The following TYW1B variants were observed in gnomAD, a reference collection of about 807,000 sequenced individuals.
The protein encoded by TYW1B is tRNA-yW synthesizing protein 1 homolog B, also known as S-adenosyl-L-methionine-dependent tRNA 4-demethylwyosine synthase TYW1B.
Under a neutral mutation model 86.9 loss-of-function variants are expected in TYW1B, and 73 were observed. That is an observed-to-expected ratio of 0.84 (90% CI 0.70 to 1.02). TYW1B has a LOEUF of 1.02. Among genes scored for constraint, TYW1B ranks in the 50% least tolerant of loss-of-function variants. The pLI, the probability that TYW1B is intolerant of heterozygous loss-of-function variation, is 0.00. For synonymous variants in TYW1B, 248 were observed against 292.8 expected, an observed-to-expected ratio of 0.85 and a Z score of 1.56; for missense variants, 637 against 827.4, an observed-to-expected ratio of 0.77 and a Z score of 2.82.
chr7:72,693,478 G>A (rs1207808432), intron 11 of TYW1B, among the ~76,000 whole-genome samples: 5 of 147,270 alleles, frequency 3.4e-5, no homozygotes, highest in Admixed American at 6.9e-5. Flanking sequence ...GCGCAATCTC[G>A]GCTCACTACA....
At chr7:72,671,041 T>G (rs1375039325) in intron 11 of TYW1B, among the ~76,000 whole-genome samples, 1 of 152,144 alleles carries the variant, frequency 6.6e-6, no homozygotes, top group Non-Finnish European at 1.5e-5. Flanking sequence ...GTTTAATATC[T>G]GGTAAAAGTT....
chr7:72,702,994 A>ATC (rs1814512236), intron 10 of TYW1B, among the ~76,000 whole-genome samples: 1 of 115,836 alleles, frequency 8.6e-6, no homozygotes, highest in East Asian at 3.6e-4. Context: ...ATCTATATAT[A>ATC]TATATATATA....
intron 13 of TYW1B, among the ~76,000 whole-genome samples, chr7:72,589,334 G>C (rs2129567781): frequency 6.6e-6 from 1 of 152,332 alleles, no homozygotes; most frequent in African/African-American, 2.4e-5. Context: ...GACACTAGAA[G>C]ATAATGAAAT....
At chr7:72,590,328 T>A (rs1245716386) in intron 13 of TYW1B, among the ~76,000 whole-genome samples, 1 of 152,172 alleles carries the variant, frequency 6.6e-6, no homozygotes, top group East Asian at 1.9e-4. Context: ...GGATAGGCAA[T>A]AAGAACACTG....
At chr7:72,711,188 TGCACTA>T (rs1244917862) in intron 10 of TYW1B, among the ~76,000 whole-genome samples, 1 of 152,084 alleles carries the variant, frequency 6.6e-6, no homozygotes, top group Non-Finnish European at 1.5e-5. Flanking sequence ...TCCATTCAGG[TGCACTA>T]AGATAGGGAG....
rs553999022 is a variant in TYW1B at position 72,725,150 on chromosome 7, C to A, written c.1192+3672G>T. ...GAACTCACCTAACACATTTTATTAA[C>A]ATCAACAAAGTCTACCTCATGGTTT... On this transcript the variant is annotated intron_variant, in intron 9 of 13. Transcript: ENST00000620995. 2.6e-5 allele frequency among the ~76,000 whole-genome samples: 4 copies of A among 152,288 alleles called. No homozygotes were observed. In the East Asian group the frequency reaches 5.8e-4, roughly 22 times the overall value.
At chr7:72,589,098 C>A (rs1554430982) in intron 13 of TYW1B, among the ~76,000 whole-genome samples, 1 of 152,238 alleles carries the variant, frequency 6.6e-6, no homozygotes, top group African/African-American at 2.4e-5. Context: ...CAGGCATGAG[C>A]CACTGCACCC....
In TYW1B at chr7:72,650,007, A is replaced by T. The variant is rs541652376; in HGVS notation, c.1507-21010T>A. Among the ~76,000 whole-genome samples the T allele has an allele frequency of 4.0e-5, 6 of 151,198 alleles. No homozygotes were observed. The East Asian group carries it at 1.2e-3, about 29-fold the overall frequency. On this transcript the variant is annotated intron_variant, in intron 11 of 13. Coordinates refer to ENST00000620995, the MANE Select transcript of TYW1B (RefSeq NM_001145440.3). ...CAGGTTCATGCCATTCTCCTGCCTC[A>T]GCCTCATGAGTAGCTGGGACTACAG...
rs781821639 is a variant in TYW1B at position 72,669,134 on chromosome 7, CTTTTT to C, written c.1506+25548_1506+25552del. ...CAAACAACCACTATTTAATTTTAAA[CTTTTT>C]TTTTTTTTTTTTTTTTTTTTTGAGA... On this transcript the variant is annotated intron_variant, in intron 11 of 13. Transcript: ENST00000620995. Among the ~76,000 whole-genome samples, 8 of 81,522 alleles carry C rather than the reference CTTTTT, an allele frequency of 9.8e-5. No homozygotes were observed. In the East Asian group the frequency reaches 1.9e-3, roughly 19 times the overall value. 53.5% of individuals were successfully genotyped at this position (81,522 alleles called of 152,430 possible). A position where few individuals can be genotyped will look rare whatever the true frequency, so the allele number is the denominator to read the frequency against.
At chr7:72,790,323 A>C (rs1585985801) in intron 6 of TYW1B, among the ~76,000 whole-genome samples, 1 of 152,054 alleles carries the variant, frequency 6.6e-6, no homozygotes, top group South Asian at 2.1e-4. Context: ...CTCATGGCGG[A>C]CCCATAGGGC....
Position 72,696,257 on chromosome 7 carries a change from C to A in TYW1B, c.1371-1435G>T, listed in dbSNP as rs139461199. Reference sequence around the variant, plus strand: ...GCCACTGTGCCTGGCCTAGACTGTACTTTTTCTAAAGCCTCTCCCCTTCTC... The same window carrying A: ...GCCACTGTGCCTGGCCTAGACTGTAATTTTTCTAAAGCCTCTCCCCTTCTC... On this transcript the variant is annotated intron_variant, in intron 10 of 13. Transcript: ENST00000620995. 7.0e-3 allele frequency among the ~76,000 whole-genome samples: 1,058 copies of A among 152,196 alleles called. 10 individuals carry two copies. Among genetic ancestry groups the A allele is most frequent in the African/African-American group, 0.023 (964 of 41,552 alleles).
intron 11 of TYW1B, among the ~76,000 whole-genome samples, chr7:72,642,088 A>G (rs537463562): frequency 2.7e-4 from 41 of 152,310 alleles, no homozygotes; most frequent in African/African-American, 9.1e-4. Flanking sequence ...TTAGCGGCCA[A>G]TTGATTTTGA....
chr7:72,592,160 T>TAAAAAAAAAAAAA (rs56146824), intron 13 of TYW1B, among the ~76,000 whole-genome samples: 8 of 103,392 alleles, frequency 7.7e-5, no homozygotes, highest in African/African-American at 3.3e-4. Context: ...ACTAATGTGT[T>TAAAAAAAAAAAAA]AAAAAAAAAA....
At chr7:72,629,596 G>C (rs1207292972) in intron 11 of TYW1B, among the ~76,000 whole-genome samples, 1 of 151,932 alleles carries the variant, frequency 6.6e-6, no homozygotes, top group Admixed American at 6.6e-5. Context: ...GTCCAGGCTG[G>C]AGTGCAGTGG....
intron 3 of TYW1B, among the ~76,000 whole-genome samples, chr7:72,813,348 G>A (rs782060956): frequency 6.6e-6 from 1 of 151,942 alleles, no homozygotes; most frequent in Non-Finnish European, 1.5e-5. Context: ...GCTAATTTTT[G>A]TATTTTTAGT....
At chr7:72,827,728 T>A (rs1788963392) in intron 1 of TYW1B, among the ~76,000 whole-genome samples, 1 of 152,210 alleles carries the variant, frequency 6.6e-6, no homozygotes, top group Non-Finnish European at 1.5e-5. Flanking sequence ...TCTCATTTTT[T>A]TTTTTAAGAG....
chr7:72,710,447 CTTAG>C (rs1554454488), intron 10 of TYW1B, among the ~76,000 whole-genome samples: 1 of 152,144 alleles, frequency 6.6e-6, no homozygotes, highest in Non-Finnish European at 1.5e-5. Context: ...AAAGTAATAG[CTTAG>C]TTATCTTTAT....
chr7:72,633,156 T>G (rs144835075), intron 11 of TYW1B, among the ~76,000 whole-genome samples: 1 of 152,202 alleles, frequency 6.6e-6, no homozygotes, highest in Non-Finnish European at 1.5e-5. Context: ...TCCTAGAAAG[T>G]TCTAAATAAC....
chr7:72,749,674 T>C (rs1448710298), intron 7 of TYW1B, among the ~76,000 whole-genome samples: 1 of 152,078 alleles, frequency 6.6e-6, no homozygotes, highest in East Asian at 1.9e-4. Flanking sequence ...GATTTTTTAT[T>C]ACACTATTTT....
Sources: gnomAD v4.1 joint callset for allele counts (sites outside exome capture counted in the v4.1 genomes callset) on GRCh38, gnomAD v4.1.1 for gene constraint, MANE v1.5 for transcripts, NCBI Gene and HGNC (gene_info 2026-07-23, HGNC 2026-07-21) for gene names.